The following ARAP2 variants were observed in gnomAD, a reference collection of about 807,000 sequenced individuals.
The protein encoded by ARAP2 is arf-GAP with Rho-GAP domain, ANK repeat and PH domain-containing protein 2.
ARAP2 carries 148 observed loss-of-function variants against 194.5 expected under a neutral mutation model. That is an observed-to-expected ratio of 0.76 (90% CI 0.67 to 0.87). The LOEUF (loss-of-function observed/expected upper bound fraction) is 0.87. Among genes scored for constraint, ARAP2 ranks in the 40% least tolerant of loss-of-function variants. ARAP2 has a pLI of 0.00. For synonymous variants in ARAP2, 695 were observed against 683.5 expected (o/e 1.02, Z -0.26); for missense variants, 2,128 against 1,989.7 (o/e 1.07, Z -1.32).
At chr4:36,016,005 A>C (rs1429088942) in intron 6 of ARAP2, 1 of 152,220 alleles carries the variant, frequency 6.6e-6, no homozygotes, top group Non-Finnish European at 1.5e-5. Flanking sequence ...TTTAAGGAGA[A>C]AATCACAGCA....
At chr4:36,123,056 G>A (rs545539984) in intron 22 of ARAP2, among the ~76,000 whole-genome samples, 19 of 151,784 alleles carry the variant, frequency 1.3e-4, no homozygotes, top group Non-Finnish European at 2.4e-4. Flanking sequence ...ATCATCACAC[G>A]TGATTTACAA....
intron 16 of ARAP2, among the ~76,000 whole-genome samples, chr4:36,149,397 C>CAA (rs1377137349): frequency 3.9e-5 from 6 of 152,152 alleles, no homozygotes. Context: ...ATCTCCTTAC[C>CAA]ACTTCTTCCA....
chr4:36,147,200 T>A lies in ARAP2; in HGVS notation c.3263+96A>T. On this transcript the variant is annotated intron_variant, in intron 19 of 32. Transcript: ENST00000303965. The stretch of plus-strand genomic sequence containing the variant: ...TGATTCAGAAAATTTCAACAGGTTT[T>A]AAAATATTGTTTTCTCCCTCAAGAT... 1.2e-5 allele frequency: 13 copies of A among 1,108,596 alleles called. No homozygotes were observed. The South Asian group carries it at 1.7e-4, about 14-fold the overall frequency. The allele number at this position is 1,108,596 out of a possible 1,614,324, so 68.7% of individuals were successfully genotyped here.
intron 32 of ARAP2, among the ~76,000 whole-genome samples, chr4:36,073,386 A>G (rs559269537): frequency 4.6e-5 from 7 of 152,158 alleles, no homozygotes; most frequent in Non-Finnish European, 1.0e-4. Context: ...GTAAGCTTGT[A>G]AAACGAATTT....
intron 8 of ARAP2, among the ~76,000 whole-genome samples, chr4:36,014,352 AAGAAAGAAAGAAAG>A (rs1159565577): frequency 1.4e-5 from 2 of 139,912 alleles, no homozygotes; most frequent in Non-Finnish European, 3.0e-5. Context: ...GAAAGAAAGA[AAGAAAGAAAGAAAG>A]AAAGAAAGAA....
rs758968974 is a variant in ARAP2, at chr4:36,159,326, C to T, written c.2617+5G>A. The T allele has an allele frequency of 2.4e-5, 39 of 1,591,890 alleles. No individual in the cohort carries two copies. The African/African-American group carries it at 3.2e-4, about 13-fold the overall frequency. ...GACCAGGTTAATGAAGAGACAGTGA[C>T]GAACCTGAGAATTTGTTATGGTAGA... On this transcript the variant is annotated splice_donor_5th_base_variant and intron_variant, in intron 14 of 32. Coordinates refer to ENST00000303965, the MANE Select transcript of ARAP2 (RefSeq NM_015230.4).
chr4:36,142,943 C>A (rs1276685801), intron 19 of ARAP2, among the ~76,000 whole-genome samples: 1 of 151,740 alleles, frequency 6.6e-6, no homozygotes, highest in Non-Finnish European at 1.5e-5. Flanking sequence ...TCTTAGATTT[C>A]TTATAAGAAT....
chr4:36,095,315 G>A (rs971720714), intron 27 of ARAP2, among the ~76,000 whole-genome samples: 3 of 152,072 alleles, frequency 2.0e-5, no homozygotes, highest in Non-Finnish European at 4.4e-5. Context: ...TTTTTAGCAT[G>A]TTCTAAATGG....
At chr4:36,132,235 G>A (rs1725614747) in intron 20 of ARAP2, among the ~76,000 whole-genome samples, 1 of 151,674 alleles carries the variant, frequency 6.6e-6, no homozygotes, top group Non-Finnish European at 1.5e-5. Context: ...GTTTCTAAGA[G>A]TGAGACCAGT....
In ARAP2 at chr4:36,171,201, C is replaced by A. The variant is rs146382203; in HGVS notation, c.1858-4154G>T. Among the ~76,000 whole-genome samples, 335 of 152,240 alleles carry A rather than the reference C, an allele frequency of 2.2e-3. 3 individuals are homozygous for A. Among genetic ancestry groups the A allele is most frequent in the African/African-American group, 7.5e-3 (313 of 41,538 alleles). ...GTTTAAAAGATTATAAATCATGCTGCTATAAAGACACATGCACACGTATGT... is the reference window on the plus strand; with the variant it reads ...GTTTAAAAGATTATAAATCATGCTGATATAAAGACACATGCACACGTATGT... On this transcript the variant is annotated intron_variant, in intron 9 of 32. Coordinates refer to ENST00000303965, the MANE Select transcript of ARAP2 (RefSeq NM_015230.4).
intron 21 of ARAP2, among the ~76,000 whole-genome samples, chr4:36,126,145 G>C (rs538310818): frequency 1.3e-5 from 2 of 152,078 alleles, no homozygotes; most frequent in East Asian, 1.9e-4. Context: ...CTCTCTATAA[G>C]AAAGAGGGGG....
At chr4:36,151,616 T>C (rs142723258) in intron 15 of ARAP2, among the ~76,000 whole-genome samples, 1 of 152,308 alleles carries the variant, frequency 6.6e-6, no homozygotes, top group Non-Finnish European at 1.5e-5. Flanking sequence ...ATATATTAGA[T>C]AATTTCTGAA....
chr4:36,243,234 G>C (rs997371590), intron 1 of ARAP2, among the ~76,000 whole-genome samples: 1 of 151,778 alleles, frequency 6.6e-6, no homozygotes, highest in Non-Finnish European at 1.5e-5. Flanking sequence ...AATCAATACT[G>C]AGCTTGTAAG....
At chr4:36,078,704 A>G (rs1023534423) in intron 31 of ARAP2, among the ~76,000 whole-genome samples, 5 of 152,148 alleles carry the variant, frequency 3.3e-5, no homozygotes, top group Admixed American at 2.0e-4. Context: ...TAGTGAGAGT[A>G]GGCTTTGCTT....
At chr4:36,241,554 A>G (rs1382599967) in intron 1 of ARAP2, among the ~76,000 whole-genome samples, 1 of 152,206 alleles carries the variant, frequency 6.6e-6, no homozygotes, top group Non-Finnish European at 1.5e-5. Flanking sequence ...TCTTCCCTCC[A>G]AGAGTTTACA....
At chr4:36,141,553 C>A (rs1230625909) in intron 19 of ARAP2, among the ~76,000 whole-genome samples, 1 of 151,598 alleles carries the variant, frequency 6.6e-6, no homozygotes, top group African/African-American at 2.4e-5. Flanking sequence ...TAAATAGTGA[C>A]TATATACAGG....
Position 36,244,439 on chromosome 4 carries a change from A to T in ARAP2, c.-420T>A, listed in dbSNP as rs1754264457. On this transcript the variant is annotated 5_prime_UTR_variant, in exon 1 of 33. Coordinates refer to ENST00000303965, the MANE Select transcript of ARAP2 (RefSeq NM_015230.4). ...GAGCGCGGGCCGCGGACCCGCGCTC[A>T]GCTCCGGAAACGCCGAGCCCGGCGC... The T allele has an allele frequency of 6.7e-6, 1 of 149,678 alleles. No homozygotes were observed. Among genetic ancestry groups the T allele is most frequent in the African/African-American group, 2.4e-5 (1 of 40,976 alleles). The allele number at this position is 149,678 out of a possible 1,614,324, so 9.3% of individuals were successfully genotyped here.
At chr4:36,069,847 G>A (rs1422709521) in intron 32 of ARAP2, among the ~76,000 whole-genome samples, 3 of 152,134 alleles carry the variant, frequency 2.0e-5, no homozygotes. Context: ...GGGTTTTCAT[G>A]AGTGGTTTTA....
At chr4:36,100,805 TG>T (rs1213892828) in intron 27 of ARAP2, among the ~76,000 whole-genome samples, 1 of 151,962 alleles carries the variant, frequency 6.6e-6, no homozygotes. Flanking sequence ...AGAACACTAA[TG>T]GGGGAGCATC....
Sources: gnomAD v4.1 joint callset for allele counts (sites outside exome capture counted in the v4.1 genomes callset) on GRCh38, gnomAD v4.1.1 for gene constraint, MANE v1.5 for transcripts, NCBI Gene and HGNC (gene_info 2026-07-23, HGNC 2026-07-21) for gene names.